The following AGTPBP1 variants were observed in gnomAD, a reference collection of about 807,000 sequenced individuals.
AGTPBP1 encodes ATP/GTP binding carboxypeptidase 1, also known as cytosolic carboxypeptidase 1.
Under a neutral mutation model 143.9 loss-of-function variants are expected in AGTPBP1, and 70 were observed. The ratio of observed to expected loss-of-function variants is 0.49; its 90% confidence interval spans 0.40 to 0.59. The LOEUF is 0.59. Ranked by LOEUF, AGTPBP1 falls within the 20% of genes least tolerant of loss-of-function variation. The pLI, the probability that AGTPBP1 is intolerant of heterozygous loss-of-function variation, is 0.00. For synonymous variants in AGTPBP1, 463 were observed against 500.2 expected (o/e 0.93, Z 0.99); for missense variants, 1,229 against 1,464.5 (o/e 0.84, Z 2.62).
intron 17 of AGTPBP1, among the ~76,000 whole-genome samples, chr9:85,599,110 AACACACACAC>A (rs57074552): frequency 0.013 from 1,714 of 135,492 alleles, 26 homozygotes; most frequent in African/African-American, 0.042. Context: ...CTTGTCACTG[AACACACACAC>A]ACACACACAC....
chr9:85,599,168 TGAGAGAGGGAGAGAGGGA>T (rs1829500518), intron 17 of AGTPBP1, among the ~76,000 whole-genome samples: 1 of 108,302 alleles, frequency 9.2e-6, no homozygotes, highest in Non-Finnish European at 1.9e-5. Context: ...AGGGAGCAGG[TGAGAGAGGGAGAGAGGGA>T]GAGAGAGGGA....
At chr9:85,752,581 T>C in the AGTPBP1 span, among the ~76,000 whole-genome samples, 1 of 152,200 alleles carries the variant, frequency 6.6e-6, no homozygotes, top group African/African-American at 2.4e-5. Flanking sequence ...GCAGTTGTAT[T>C]GTATTGCCTC....
chr9:85,600,533 G>C (rs999456629), intron 17 of AGTPBP1, among the ~76,000 whole-genome samples: 3 of 152,060 alleles, frequency 2.0e-5, no homozygotes, highest in Non-Finnish European at 2.9e-5. Flanking sequence ...GAAGGAGAGG[G>C]AAGGCAGGCA....
intron 13 of AGTPBP1, among the ~76,000 whole-genome samples, chr9:85,636,206 G>T (rs1341673248): frequency 6.8e-6 from 1 of 147,586 alleles, no homozygotes; most frequent in Non-Finnish European, 1.5e-5. Context: ...TATGTTCAAA[G>T]AAATAAAATA....
chr9:85,614,928 G>T (rs1476656927), intron 17 of AGTPBP1, among the ~76,000 whole-genome samples: 2 of 152,102 alleles, frequency 1.3e-5, no homozygotes, highest in African/African-American at 2.4e-5. Flanking sequence ...CCTGACCATT[G>T]TCTGTAACAG....
chr9:85,695,272 G>A (rs1836149015), intron 2 of AGTPBP1, among the ~76,000 whole-genome samples: 1 of 152,102 alleles, frequency 6.6e-6, no homozygotes, highest in Non-Finnish European at 1.5e-5. Context: ...TCCTGTGAGA[G>A]CCTCATGGTC....
At chr9:85,696,995 T>C (rs1031560450) in intron 2 of AGTPBP1, among the ~76,000 whole-genome samples, 6 of 152,242 alleles carry the variant, frequency 3.9e-5, no homozygotes, top group African/African-American at 1.4e-4. Flanking sequence ...ATTTTAACTA[T>C]GACTTTTGCT....
chr9:85,616,107 T>TA (rs1830587414), intron 17 of AGTPBP1, among the ~76,000 whole-genome samples: 1 of 151,986 alleles, frequency 6.6e-6, no homozygotes, highest in South Asian at 2.1e-4. Context: ...CACTGCATTA[T>TA]AAAAAAGGCT....
chr9:85,588,226 G>A lies in AGTPBP1; in HGVS notation c.2903+72C>T, dbSNP rs1587689077. Reference sequence around the variant, plus strand: ...CACTAAGTTTGTTAACCTGGACATTGTTATTTCAACAAGTTTATACAGGAC... The same window carrying A: ...CACTAAGTTTGTTAACCTGGACATTATTATTTCAACAAGTTTATACAGGAC... On this transcript the variant is annotated intron_variant, in intron 21 of 25. Transcript: ENST00000357081. 5 of 1,265,868 alleles carry A rather than the reference G, an allele frequency of 3.9e-6. No homozygotes were observed. In the East Asian group the frequency reaches 1.4e-4, roughly 35 times the overall value. 78.4% of individuals were successfully genotyped at this position (1,265,868 alleles called of 1,614,324 possible). A position where few individuals can be genotyped will look rare whatever the true frequency, so the allele number is the denominator to read the frequency against.
chr9:85,722,539 C>T (rs1358671845), intron 1 of AGTPBP1, among the ~76,000 whole-genome samples: 1 of 152,166 alleles, frequency 6.6e-6, no homozygotes, highest in East Asian at 1.9e-4. Flanking sequence ...TTAAGGTCTT[C>T]TTTATACTGT....
At position 85,741,953 on chromosome 9, in the gene AGTPBP1, C is replaced by G; in HGVS notation, c.-212G>C. On this transcript the variant is annotated 5_prime_UTR_variant, in exon 1 of 26. Coordinates refer to ENST00000357081, the MANE Select transcript of AGTPBP1 (RefSeq NM_001330701.2). Reference sequence around the variant, plus strand: ...GCGGCGGCGCTGGAGGCGGCGGAACCTGTCCGCATCCCGGGCAACGTCAGC... The same window carrying G: ...GCGGCGGCGCTGGAGGCGGCGGAACGTGTCCGCATCCCGGGCAACGTCAGC... 2 of 1,274,804 alleles carry G rather than the reference C, an allele frequency of 1.6e-6. No homozygotes were observed. The highest frequency in any genetic ancestry group is 2.0e-6 in the Non-Finnish European group (2 of 1,013,838). The allele number at this position is 1,274,804 out of a possible 1,614,324, so 79.0% of individuals were successfully genotyped here.
At chr9:85,561,833 ATT>A (rs763799341) in intron 25 of AGTPBP1, among the ~76,000 whole-genome samples, 3 of 139,958 alleles carry the variant, frequency 2.1e-5, no homozygotes, top group Admixed American at 7.2e-5. Flanking sequence ...TAAAAGTACA[ATT>A]TTTTTTTTTT....
At position 85,681,830 on chromosome 9, in the gene AGTPBP1, A is replaced by ACCT. The variant is rs755099336; in HGVS notation, c.158-498_158-496dup. Among the ~76,000 whole-genome samples the ACCT allele has an allele frequency of 2.0e-3, 296 of 147,546 alleles. 1 individual carries two copies. Among genetic ancestry groups the ACCT allele is most frequent in the Admixed American group, 3.1e-3 (45 of 14,468 alleles). Reference sequence around the variant, plus strand: ...AACGGCGCAATCTCCGCTCACTACAACCTCCGCCTCCCGGGTTTAAGTGAT... The same window carrying ACCT: ...AACGGCGCAATCTCCGCTCACTACAACCTCCTCCGCCTCCCGGGTTTAAGTGAT... On this transcript the variant is annotated intron_variant, in intron 3 of 25. Coordinates refer to ENST00000357081, the MANE Select transcript of AGTPBP1 (RefSeq NM_001330701.2).
intron 3 of AGTPBP1, among the ~76,000 whole-genome samples, chr9:85,686,513 T>C (rs1257814482): frequency 6.6e-6 from 1 of 152,104 alleles, no homozygotes; most frequent in Non-Finnish European, 1.5e-5. Context: ...CACAACTCCT[T>C]CTAAGAAAAC....
chr9:85,770,194 T>C, the AGTPBP1 span: 4 of 837,524 alleles, frequency 4.8e-6, no homozygotes. Context: ...TAATATCCAT[T>C]AGACTCAAAT....
chr9:85,793,097 A>C, the AGTPBP1 span, among the ~76,000 whole-genome samples: 5 of 152,188 alleles, frequency 3.3e-5, no homozygotes, highest in Admixed American at 6.5e-5. Flanking sequence ...TTATAGCCAT[A>C]GAAGTGCTTC....
chr9:85,574,310 A>G (rs1827750133), intron 25 of AGTPBP1, among the ~76,000 whole-genome samples: 1 of 152,102 alleles, frequency 6.6e-6, no homozygotes, highest in Non-Finnish European at 1.5e-5. Flanking sequence ...CCTAATCTCA[A>G]GTACCCAGGG....
intron 25 of AGTPBP1, among the ~76,000 whole-genome samples, chr9:85,551,284 T>C (rs1363064841): frequency 6.6e-6 from 1 of 152,236 alleles, no homozygotes; most frequent in Non-Finnish European, 1.5e-5. Flanking sequence ...ACAGGTATAC[T>C]TCACATCTTT....
the AGTPBP1 span, among the ~76,000 whole-genome samples, chr9:85,755,172 T>C: frequency 6.6e-6 from 1 of 152,174 alleles, no homozygotes; most frequent in African/African-American, 2.4e-5. Context: ...TTCTCATATA[T>C]ATTCACTGTC....
Sources: allele counts gnomAD v4.1 joint callset (sites outside exome capture counted in the v4.1 genomes callset), GRCh38; gene constraint gnomAD v4.1.1; transcripts MANE v1.5; gene names NCBI Gene and HGNC (gene_info 2026-07-23, HGNC 2026-07-21).